UVRAG: variants seen among roughly 807,000 people sequenced by gnomAD.
UVRAG encodes UV radiation resistance associated.
Under a neutral mutation model 78.0 loss-of-function variants are expected in UVRAG, and 19 were observed. That is an observed-to-expected ratio of 0.24 (90% CI 0.17 to 0.36). The LOEUF (loss-of-function observed/expected upper bound fraction) is 0.36. UVRAG is among the 10% of genes least tolerant of loss of function. The pLI is 1.00. For synonymous variants in UVRAG, 323 were observed against 324.6 expected (o/e 1.00, Z 0.05); for missense variants, 740 against 853.8 (o/e 0.87, Z 1.66).
intron 1 of UVRAG, among the ~76,000 whole-genome samples, chr11:75,832,246 G>A (rs1208920779): frequency 1.3e-5 from 2 of 152,086 alleles, no homozygotes; most frequent in Non-Finnish European, 1.5e-5. Context: ...CTATTTACCC[G>A]GAGTTATGAC....
chr11:75,994,920 G>A (rs552790077), intron 8 of UVRAG, among the ~76,000 whole-genome samples: 1 of 152,250 alleles, frequency 6.6e-6, no homozygotes, highest in Admixed American at 6.5e-5. Context: ...TTTGATTTGG[G>A]TCTGCCATTT....
chr11:76,053,344 A>ACACACACACACACACAC (rs60133924), intron 12 of UVRAG, among the ~76,000 whole-genome samples: 1,562 of 142,236 alleles, frequency 0.011, 14 homozygotes, highest in African/African-American at 0.017. Context: ...CACACACACA[A>ACACACACACACACACAC]AAATAAATAT....
chr11:76,040,412 G>T (rs1297743635), intron 12 of UVRAG, among the ~76,000 whole-genome samples: 3 of 150,662 alleles, frequency 2.0e-5, no homozygotes, highest in African/African-American at 7.3e-5. Context: ...GGTGGAGCTT[G>T]CAGTGAGCCG....
At chr11:76,130,093 A>G (rs993865980) in intron 14 of UVRAG, among the ~76,000 whole-genome samples, 3 of 152,164 alleles carry the variant, frequency 2.0e-5, no homozygotes, top group Non-Finnish European at 2.9e-5. Context: ...AAACATTGTT[A>G]TCTTTCTTGA....
intron 7 of UVRAG, among the ~76,000 whole-genome samples, chr11:75,968,646 A>G (rs1949069662): frequency 6.6e-6 from 1 of 152,216 alleles, no homozygotes; most frequent in Non-Finnish European, 1.5e-5. Flanking sequence ...AACATATCTC[A>G]GTATGTACCC....
At chr11:75,892,855 G>A (rs1284912730) in intron 5 of UVRAG, among the ~76,000 whole-genome samples, 1 of 152,154 alleles carries the variant, frequency 6.6e-6, no homozygotes, top group Non-Finnish European at 1.5e-5. Context: ...CAAGCAAGAA[G>A]CAAGGATTGA....
At chr11:75,853,561 A>G (rs936984355) in intron 2 of UVRAG, among the ~76,000 whole-genome samples, 2 of 151,676 alleles carry the variant, frequency 1.3e-5, no homozygotes, top group African/African-American at 2.4e-5. Context: ...GGGTTTCACC[A>G]TGTTGGCCAG....
chr11:76,035,498 A>G (rs950804862), intron 12 of UVRAG, among the ~76,000 whole-genome samples: 4 of 152,198 alleles, frequency 2.6e-5, no homozygotes, highest in African/African-American at 9.6e-5. Context: ...TTTGGAATAG[A>G]CACTTAACTC....
At chr11:76,030,234 T>C (rs928951715) in intron 12 of UVRAG, among the ~76,000 whole-genome samples, 3 of 152,132 alleles carry the variant, frequency 2.0e-5, no homozygotes, top group Non-Finnish European at 2.9e-5. Context: ...GGTGCCGCTA[T>C]GTTGACCAGG....
chr11:75,855,703 T>G (rs1301591626), intron 2 of UVRAG, among the ~76,000 whole-genome samples: 2 of 152,234 alleles, frequency 1.3e-5, no homozygotes, highest in Non-Finnish European at 2.9e-5. Context: ...GTAACATTTC[T>G]TAGTGTCAGA....
intron 8 of UVRAG, among the ~76,000 whole-genome samples, chr11:75,999,776 TAA>T (rs1449308946): frequency 6.6e-6 from 1 of 152,180 alleles, no homozygotes; most frequent in Non-Finnish European, 1.5e-5. Flanking sequence ...TTCCAAAATT[TAA>T]AACGTTTTGG....
intron 5 of UVRAG, among the ~76,000 whole-genome samples, chr11:75,904,102 CAG>C (rs1191529734): frequency 6.6e-6 from 1 of 152,166 alleles, no homozygotes; most frequent in Admixed American, 6.5e-5. Flanking sequence ...GACTATGTGA[CAG>C]AAATGACATG....
intron 13 of UVRAG, among the ~76,000 whole-genome samples, chr11:76,103,944 G>A (rs991316553): frequency 6.6e-6 from 1 of 151,494 alleles, no homozygotes; most frequent in Non-Finnish European, 1.5e-5. Flanking sequence ...GAGAAGTAAT[G>A]GGCTTCTCTG....
chr11:75,877,999 C>T lies in UVRAG; in HGVS notation c.271-1880C>T, dbSNP rs1427813760. Among the ~76,000 whole-genome samples the T allele has an allele frequency of 1.3e-3, 201 of 150,654 alleles. 1 individual carries two copies. The highest frequency in any genetic ancestry group is 4.7e-3 in the African/African-American group (192 of 40,982). On this transcript the variant is annotated intron_variant, in intron 3 of 14. Transcript: ENST00000356136. ...CCTCCCAGACGGGGCGGCTGCCGGGCGGAGACGCTCCTCACTTCCCAGACG... is the reference window on the plus strand; with the variant it reads ...CCTCCCAGACGGGGCGGCTGCCGGGTGGAGACGCTCCTCACTTCCCAGACG...
chr11:76,141,497 T>C lies in UVRAG; in HGVS notation c.*84T>C. On this transcript the variant is annotated 3_prime_UTR_variant, in exon 15 of 15. Transcript: ENST00000356136. ...TGCACTTAACCCTTTGTGATAATGATGACACAAAATGAATATTAATGGAGG... is the reference window on the plus strand; with the variant it reads ...TGCACTTAACCCTTTGTGATAATGACGACACAAAATGAATATTAATGGAGG... 3 of 1,292,230 alleles carry C rather than the reference T, an allele frequency of 2.3e-6. No homozygotes were observed. The highest frequency in any genetic ancestry group is 3.2e-6 in the Non-Finnish European group (3 of 940,374). 80.0% of individuals were successfully genotyped at this position (1,292,230 alleles called of 1,614,324 possible).
chr11:76,082,214 T>C (rs1337059394), intron 13 of UVRAG, among the ~76,000 whole-genome samples: 2 of 152,156 alleles, frequency 1.3e-5, no homozygotes, highest in African/African-American at 4.8e-5. Context: ...GTTTCATTTA[T>C]TTTTCTATAT....
intron 6 of UVRAG, among the ~76,000 whole-genome samples, chr11:75,931,356 A>G (rs1161035112): frequency 6.6e-6 from 1 of 152,154 alleles, no homozygotes; most frequent in African/African-American, 2.4e-5. Context: ...ACAGTACAGT[A>G]TATTAAATGC....
At chr11:75,820,296 A>G (rs919845364) in intron 1 of UVRAG, among the ~76,000 whole-genome samples, 1 of 152,062 alleles carries the variant, frequency 6.6e-6, no homozygotes, top group Non-Finnish European at 1.5e-5. Context: ...TTATACTTAT[A>G]GAAAAATTGA....
In UVRAG at chr11:75,982,937, G is replaced by T. The variant is rs527431607; in HGVS notation, c.700-450G>T. ...GGTGGACATTTGGGTTTTTTATGTC[G>T]TTCGGCTATTATGAGTAATGCTGCT... On this transcript the variant is annotated intron_variant, in intron 7 of 14. Transcript: ENST00000356136. Among the ~76,000 whole-genome samples, 33 of 152,034 alleles carry T rather than the reference G, an allele frequency of 2.2e-4. No individual in the cohort carries two copies. In the South Asian group the frequency reaches 6.5e-3, roughly 30 times the overall value.
Sources: allele counts gnomAD v4.1 joint callset (sites outside exome capture counted in the v4.1 genomes callset), GRCh38; gene constraint gnomAD v4.1.1; transcripts MANE v1.5; gene names NCBI Gene and HGNC (gene_info 2026-07-23, HGNC 2026-07-21).